MCPH1: variants seen among roughly 807,000 people sequenced by gnomAD.
MCPH1 encodes the protein microcephalin.
In MCPH1, 104 loss-of-function variants were observed where a neutral mutation model predicts 84.5. That is an observed-to-expected ratio of 1.23 (90% CI 1.05 to 1.45). The LOEUF is 1.45. Ranked by LOEUF, MCPH1 falls within the 40% of genes most tolerant of loss-of-function variation. The probability of loss-of-function intolerance (pLI) is 0.00; values close to 1 mark genes in which losing one functional copy is unlikely to be tolerated. For synonymous variants in MCPH1, 514 were observed against 366.8 expected (o/e 1.40, Z -4.58); for missense variants, 1,498 against 1,005.7 (o/e 1.49, Z -6.62).
chr8:6,619,379 C>A (rs1349240868), intron 12 of MCPH1, among the ~76,000 whole-genome samples: 1 of 152,232 alleles, frequency 6.6e-6, no homozygotes, highest in Admixed American at 6.5e-5. Context: ...CCACCTCCAC[C>A]TCCCAGATTC....
intron 13 of MCPH1, chr8:6,625,374 G>T: frequency 1.0e-6 from 1 of 985,402 alleles, no homozygotes; most frequent in Non-Finnish European, 1.2e-6. Context: ...CTTCGACAAA[G>T]CACATTGTGT....
At chr8:6,594,921 G>C (rs1828805294) in intron 12 of MCPH1, among the ~76,000 whole-genome samples, 1 of 152,180 alleles carries the variant, frequency 6.6e-6, no homozygotes, top group Non-Finnish European at 1.5e-5. Flanking sequence ...CTCTTCAGGG[G>C]CTCCATAATG....
chr8:6,454,498 C>G (rs966432792), intron 8 of MCPH1, among the ~76,000 whole-genome samples: 12 of 152,186 alleles, frequency 7.9e-5, no homozygotes. Flanking sequence ...AAGAGGCACC[C>G]TCTGAGGCAG....
At chr8:6,485,542 A>G (rs1229575652) in intron 11 of MCPH1, among the ~76,000 whole-genome samples, 1 of 152,038 alleles carries the variant, frequency 6.6e-6, no homozygotes, top group African/African-American at 2.4e-5. Flanking sequence ...AAAAAAATGA[A>G]AAGAATTTAA....
intron 12 of MCPH1, among the ~76,000 whole-genome samples, chr8:6,516,825 A>G (rs947589320): frequency 6.6e-6 from 1 of 152,198 alleles, no homozygotes; most frequent in African/African-American, 2.4e-5. Flanking sequence ...ACTTAAATAC[A>G]TGTTCTATCT....
intron 3 of MCPH1, among the ~76,000 whole-genome samples, chr8:6,422,093 T>A (rs1202955861): frequency 6.6e-6 from 1 of 152,244 alleles, no homozygotes; most frequent in Admixed American, 6.5e-5. Flanking sequence ...TTAAAACTTA[T>A]TTTGTTCATT....
At chr8:6,508,780 A>G in intron 12 of MCPH1, 1 of 1,137,232 alleles carries the variant, frequency 8.8e-7, no homozygotes, top group Non-Finnish European at 1.3e-6. Context: ...AAAAAAAGTG[A>G]AAAACACATT....
intron 12 of MCPH1, chr8:6,508,806 A>C: frequency 7.7e-7 from 1 of 1,303,066 alleles, no homozygotes; most frequent in Non-Finnish European, 1.1e-6. Flanking sequence ...ATATCAAGCT[A>C]GTGTGTCTAC....
Position 6,445,386 on chromosome 8 carries a change from C to A in MCPH1, c.1664C>A (p.Ala555Glu), listed in dbSNP as rs188726432. 6.2e-7 allele frequency: 1 copy of A among 1,614,080 alleles called. No homozygotes were observed. The highest frequency in any genetic ancestry group is 1.1e-5 in the South Asian group (1 of 91,090). ...LEGSLEEMKE[A>E]VGLKSTQNKG... ...GGAAGCCTTGAAGAAATGAAAGAAG[C>A]GGTTGGTCTGAAAAGCACACAGAAC... Residue 555 changes from alanine (A) to glutamate (E), a missense_variant, in exon 8 of 14, where the codon GCG (alanine) becomes GAG (glutamate). By Grantham distance (107) the Ala-to-Glu change is moderately radical. Transcript: ENST00000344683.
intron 12 of MCPH1, among the ~76,000 whole-genome samples, chr8:6,535,918 C>T (rs1320216622): frequency 6.6e-6 from 1 of 151,406 alleles, no homozygotes; most frequent in Non-Finnish European, 1.5e-5. Flanking sequence ...TTAGCTTGGC[C>T]TGGTAGTGCG....
chr8:6,531,325 G>T (rs540141914), intron 12 of MCPH1, among the ~76,000 whole-genome samples: 2 of 143,984 alleles, frequency 1.4e-5, no homozygotes, highest in Non-Finnish European at 3.0e-5. Flanking sequence ...GTCTCACTCT[G>T]TTGCCCAGGC....
intron 12 of MCPH1, chr8:6,503,204 C>T (rs1470736907): frequency 6.2e-7 from 1 of 1,614,150 alleles, no homozygotes; most frequent in East Asian, 2.2e-5. Flanking sequence ...TGTGTTCTGC[C>T]TCTGTGGATA....
At chr8:6,480,475 G>C (rs1809063061) in intron 10 of MCPH1, among the ~76,000 whole-genome samples, 2 of 152,196 alleles carry the variant, frequency 1.3e-5, no homozygotes, top group South Asian at 4.1e-4. Context: ...ACTGTGGGAA[G>C]CCATTGACAG....
intron 8 of MCPH1, among the ~76,000 whole-genome samples, chr8:6,451,327 C>T (rs937787552): frequency 7.9e-5 from 12 of 152,234 alleles, no homozygotes; most frequent in East Asian, 3.9e-4. Flanking sequence ...ATGTTTACTC[C>T]GTATCTACTA....
intron 9 of MCPH1, among the ~76,000 whole-genome samples, chr8:6,463,631 A>T (rs1341328024): frequency 1.3e-5 from 2 of 152,186 alleles, no homozygotes; most frequent in East Asian, 3.9e-4. Flanking sequence ...CCTAGCCCAG[A>T]TGCAGTGTGG....
intron 3 of MCPH1, among the ~76,000 whole-genome samples, chr8:6,430,627 T>G (rs1563196727): frequency 6.6e-6 from 1 of 152,228 alleles, no homozygotes; most frequent in East Asian, 1.9e-4. Context: ...GTGTACTTTA[T>G]TTTTTCAAAT....
chr8:6,597,201 G>C (rs937469557), intron 12 of MCPH1, among the ~76,000 whole-genome samples: 1 of 152,194 alleles, frequency 6.6e-6, no homozygotes, highest in African/African-American at 2.4e-5. Context: ...AAATGGATGA[G>C]CCTCAGTCCT....
intron 3 of MCPH1, among the ~76,000 whole-genome samples, chr8:6,425,570 C>G (rs775095583): frequency 1.2e-4 from 19 of 152,206 alleles, no homozygotes; most frequent in Non-Finnish European, 2.4e-4. Flanking sequence ...CACCTTACAT[C>G]TTATCACTCT....
chr8:6,565,961 C>T (rs1826113291), intron 12 of MCPH1, among the ~76,000 whole-genome samples: 1 of 152,266 alleles, frequency 6.6e-6, no homozygotes, highest in South Asian at 2.1e-4. Flanking sequence ...AGGGGAAGCT[C>T]TAGTAGAGCC....
Sources: gnomAD v4.1 joint callset for allele counts (sites outside exome capture counted in the v4.1 genomes callset) on GRCh38, gnomAD v4.1.1 for gene constraint, MANE v1.5 for transcripts, NCBI Gene and HGNC (gene_info 2026-07-23, HGNC 2026-07-21) for gene names.